Variants in NBN observed in about 807,000 individuals in gnomAD.
NBN encodes the protein Nijmegen breakage syndrome 1 (nibrin).
NBN carries 88 observed loss-of-function variants against 90.8 expected under a neutral mutation model. The ratio of observed to expected loss-of-function variants is 0.97; its 90% confidence interval spans 0.82 to 1.16. NBN has a LOEUF of 1.16. Ranked by LOEUF, NBN falls within the 50% of genes most tolerant of loss-of-function variation. NBN has a pLI of 0.00. For synonymous variants in NBN, 328 were observed against 295.1 expected (o/e 1.11, Z -1.14); for missense variants, 894 against 869.6 (o/e 1.03, Z -0.35).
intron 1 of NBN, 38 bp downstream of exon 1, chr8:89,984,487 C>G: frequency 1.9e-6 from 3 of 1,593,600 alleles, no homozygotes; most frequent in Non-Finnish European, 2.6e-6. Context: ...CAGTCGCTAC[C>G]GGGAAAATAG....
chr8:89,936,938 G>C lies in NBN; in HGVS notation c.2234+88C>G, dbSNP rs13312970. The C allele has an allele frequency of 0.044, 46,994 of 1,063,834 alleles. 1,621 individuals carry two copies. Among genetic ancestry groups the C allele is most frequent in the African/African-American group, 0.12 (7,807 of 64,046 alleles). 65.9% of individuals were successfully genotyped at this position (1,063,834 alleles called of 1,614,324 possible). ...AAGGGACTAGGTGTCTATGAGGACAGAAGAAACAAATTCTTAATTTCTATG... is the reference window on the plus strand; with the variant it reads ...AAGGGACTAGGTGTCTATGAGGACACAAGAAACAAATTCTTAATTTCTATG... On this transcript the variant is annotated intron_variant, in intron 15 of 15. Transcript: ENST00000265433.
chr8:89,979,719 C>A (rs1293052573), intron 4 of NBN, among the ~76,000 whole-genome samples: 1 of 151,444 alleles, frequency 6.6e-6, no homozygotes, highest in East Asian at 1.9e-4. Flanking sequence ...TTTTTTTTAA[C>A]AAATTACTCT....
intron 10 of NBN, among the ~76,000 whole-genome samples, chr8:89,954,965 G>C (rs1196226466): frequency 6.6e-6 from 1 of 152,170 alleles, no homozygotes; most frequent in African/African-American, 2.4e-5. Context: ...TATGGTCCTA[G>C]AGGGAGTGAG....
In NBN at chr8:89,981,406, T is replaced by C. The variant is rs730881855; in HGVS notation, c.289A>G (p.Ile97Val). The change falls in exon 3 of 16, where the codon ATT becomes GTT. Residue 97 changes from isoleucine (I) to valine (V), a missense_variant. Coordinates refer to ENST00000265433, the MANE Select transcript of NBN (RefSeq NM_002485.5). The part of the protein sequence containing the change: ...FSRTLKSGDG[I>V]TFGVFGSKFR... ...TTACTTCCAAACACTCCAAAAGTAA[T>C]ACCATCCCCCGACTTCAAAGTTCGG... 1 of 1,614,084 alleles carries C rather than the reference T, an allele frequency of 6.2e-7. No individual in the cohort carries two copies. Among genetic ancestry groups the C allele is most frequent in the Non-Finnish European group, 8.5e-7 (1 of 1,179,986 alleles).
rs1286743873 is a variant in NBN at position 89,953,419 on chromosome 8, G to T, written c.1670C>A (p.Ala557Asp). 6.2e-7 allele frequency: 1 copy of T among 1,613,566 alleles called. No individual in the cohort carries two copies. Among genetic ancestry groups the T allele is most frequent in the Non-Finnish European group, 8.5e-7 (1 of 1,179,794 alleles). Residue 557 changes from alanine (A) to aspartate (D), a missense_variant, in exon 11 of 16, where the codon GCC (alanine) becomes GAC (aspartate). Transcript: ENST00000265433. The part of the protein sequence containing the change: ...SNKKREMDDV[A>D]IEDEVLEQLF... ...CTGTTCCAATACTTCATCTTCTATG[G>T]CCACATCATCCATTTCCCTTTTTTT...
intron 14 of NBN, among the ~76,000 whole-genome samples, chr8:89,939,647 A>G (rs1809851504): frequency 6.6e-6 from 1 of 152,190 alleles, no homozygotes; most frequent in Non-Finnish European, 1.5e-5. Flanking sequence ...CAATCCATTA[A>G]AAGTGCTACA....
chr8:89,954,104 GACAGTAAGTCAGAGTGAC>G (rs1341772163), intron 10 of NBN, among the ~76,000 whole-genome samples: 4 of 152,128 alleles, frequency 2.6e-5, no homozygotes, highest in Non-Finnish European at 5.9e-5. Context: ...ATGGATTCAA[GACAGTAAGTCAGAGTGAC>G]TAAATCTACA....
At chr8:89,946,039 T>A in intron 13 of NBN, 101 bp downstream of exon 13, 1 of 873,986 alleles carries the variant, frequency 1.1e-6, no homozygotes, top group South Asian at 1.5e-5. Flanking sequence ...AGAAGAAGTA[T>A]CAGTTTTCAA....
At chr8:89,977,959 G>C in intron 5 of NBN, among the ~76,000 whole-genome samples, 1 of 152,214 alleles carries the variant, frequency 6.6e-6, no homozygotes. Flanking sequence ...GGTTACCTCA[G>C]TGCCATTTAC....
rs764290829 is a variant in NBN at position 89,978,309 on chromosome 8, G to A, written c.495C>T (p.Leu165=). 1 of 1,586,994 alleles carries A rather than the reference G, an allele frequency of 6.3e-7. No individual in the cohort carries two copies. Among genetic ancestry groups the A allele is most frequent in the Non-Finnish European group, 8.7e-7 (1 of 1,155,572 alleles). Residue 165 remains leucine, a synonymous_variant, in exon 5 of 16, where the codon CTC becomes CTT. Transcript: ENST00000265433. The part of the protein sequence containing the change: ...VKVTIKTICA[L]ICGRPIVKPE... ...GCTTTACAATTGGACGTCCACAAAT[G>A]AGTGCACATATTGTCTACAATGAAG...
At chr8:89,976,434 G>C (rs781143377) in intron 5 of NBN, among the ~76,000 whole-genome samples, 9 of 152,170 alleles carry the variant, frequency 5.9e-5, no homozygotes, top group Non-Finnish European at 1.2e-4. Flanking sequence ...GTTAGATAAC[G>C]GGATGTTAAG....
intron 7 of NBN, among the ~76,000 whole-genome samples, chr8:89,965,319 T>C (rs1258785998): frequency 6.6e-6 from 1 of 152,184 alleles, no homozygotes; most frequent in Non-Finnish European, 1.5e-5. Context: ...TTTACAAGTA[T>C]TAAGGTATCT....
chr8:89,958,724 C>A lies in NBN; in HGVS notation c.1124+1G>T. On this transcript the variant is annotated splice_donor_variant, in intron 9 of 15. Coordinates refer to ENST00000265433, the MANE Select transcript of NBN (RefSeq NM_002485.5). LOFTEE classifies it high-confidence loss of function. ...ATAGTACGGTAATGAAGAAGCTTTA[C>A]CATGTATCTGCTTGCTCTGATTCTG... is the stretch of plus-strand genomic sequence containing the variant. 1.2e-6 allele frequency: 2 copies of A among 1,613,690 alleles called. No individual in the cohort carries two copies. The highest frequency in any genetic ancestry group is 1.7e-6 in the Non-Finnish European group (2 of 1,179,686).
chr8:89,984,541 G>C lies in NBN; in HGVS notation c.21C>G (p.Ala7=), dbSNP rs370050587. The C allele has an allele frequency of 2.5e-6, 4 of 1,613,178 alleles. No individual in the cohort carries two copies. Among genetic ancestry groups the C allele is most frequent in the South Asian group, 1.1e-5 (1 of 91,080 alleles). The change falls in exon 1 of 16, where the codon GCC becomes GCG. Residue 7 remains alanine, a synonymous_variant. Transcript: ENST00000265433. ...TGCCCTTACCTCCTGCCGGGCCCGC[G>C]GCGGGCAGCAGTTTCCACATCGGTC... MWKLLP[A]AGPAGGEPYR...
intron 8 of NBN, among the ~76,000 whole-genome samples, chr8:89,959,472 G>A (rs1015780268): frequency 1.3e-5 from 2 of 152,144 alleles, no homozygotes; most frequent in East Asian, 1.9e-4. Context: ...AACAATTCAA[G>A]CCAGGTGCAG....
intron 15 of NBN, among the ~76,000 whole-genome samples, chr8:89,936,398 T>C (rs1300694031): frequency 6.6e-6 from 1 of 152,174 alleles, no homozygotes; most frequent in African/African-American, 2.4e-5. Context: ...CTGTCAGTTA[T>C]GAAATTAGAG....
At chr8:89,964,993 A>C (rs998999776) in intron 7 of NBN, among the ~76,000 whole-genome samples, 1 of 152,140 alleles carries the variant, frequency 6.6e-6, no homozygotes, top group African/African-American at 2.4e-5. Flanking sequence ...GCACGCTTGT[A>C]ATCCTAGCTA....
intron 11 of NBN, among the ~76,000 whole-genome samples, chr8:89,950,583 ACAACAACATATTTTGTACTGTAATTTT>A (rs1810402004): frequency 6.6e-6 from 1 of 152,186 alleles, no homozygotes; most frequent in Non-Finnish European, 1.5e-5. Context: ...CCAAAAGCCT[ACAACAACATATTTTGTACTGTAATTTT>A]CATTTAGAAT....
chr8:89,939,831 G>A (rs1014041583), intron 14 of NBN, among the ~76,000 whole-genome samples: 2 of 152,094 alleles, frequency 1.3e-5, no homozygotes, highest in Non-Finnish European at 2.9e-5. Flanking sequence ...TAACAAATTA[G>A]GTAAACAACC....
Sources: allele counts gnomAD v4.1 joint callset (sites outside exome capture counted in the v4.1 genomes callset), GRCh38; gene constraint gnomAD v4.1.1; transcripts MANE v1.5; gene names NCBI Gene and HGNC (gene_info 2026-07-23, HGNC 2026-07-21).